PPP2R2B: variants seen among roughly 807,000 people sequenced by gnomAD.
The protein encoded by PPP2R2B is serine/threonine-protein phosphatase 2A 55 kDa regulatory subunit B beta isoform.
PPP2R2B carries 5 observed loss-of-function variants against 46.0 expected under a neutral mutation model. That is an observed-to-expected ratio of 0.11 (90% confidence interval 0.06 to 0.23). PPP2R2B has a LOEUF of 0.23. PPP2R2B is among the 10% of genes least tolerant of loss of function. The probability of loss-of-function intolerance (pLI) is 1.00; values close to 1 mark genes in which losing one functional copy is unlikely to be tolerated. For synonymous variants in PPP2R2B, 215 were observed against 206.7 expected (o/e 1.04, Z -0.34); for missense variants, 367 against 575.0 (o/e 0.64, Z 3.70).
chr5:146,935,045 C>A (rs1173312374), intron 1 of PPP2R2B, among the ~76,000 whole-genome samples: 1 of 152,268 alleles, frequency 6.6e-6, no homozygotes, highest in East Asian at 1.9e-4. Flanking sequence ...ATATTAGTTT[C>A]TAGGCATTGA....
intron 1 of PPP2R2B, chr5:147,040,850 A>G (rs1397038224): frequency 6.9e-6 from 3 of 432,400 alleles, no homozygotes; most frequent in Non-Finnish European, 1.4e-5. Context: ...GCCATTACAC[A>G]TACCTCCCTC....
chr5:146,649,457 T>A (rs996194896), intron 6 of PPP2R2B, among the ~76,000 whole-genome samples: 1 of 152,076 alleles, frequency 6.6e-6, no homozygotes, highest in Non-Finnish European at 1.5e-5. Context: ...TTTTTATTAT[T>A]TTTTTGAGAT....
intron 1 of PPP2R2B, among the ~76,000 whole-genome samples, chr5:146,902,018 T>G (rs185001159): frequency 1.3e-5 from 2 of 152,126 alleles, no homozygotes; most frequent in African/African-American, 4.8e-5. Flanking sequence ...CAAAGTGTGA[T>G]GAAAAAATCT....
chr5:146,873,908 T>G (rs932259368), intron 2 of PPP2R2B, among the ~76,000 whole-genome samples: 1 of 152,242 alleles, frequency 6.6e-6, no homozygotes, highest in Non-Finnish European at 1.5e-5. Context: ...TTTATCACTC[T>G]TCTCCCTGTT....
intron 1 of PPP2R2B, among the ~76,000 whole-genome samples, chr5:147,036,673 A>G (rs1336934058): frequency 6.6e-6 from 1 of 152,218 alleles, no homozygotes; most frequent in South Asian, 2.1e-4. Context: ...CCTCACCAGA[A>G]TCTCTTGTAT....
At chr5:146,615,835 T>G (rs1040621246) in intron 7 of PPP2R2B, among the ~76,000 whole-genome samples, 1 of 152,272 alleles carries the variant, frequency 6.6e-6, no homozygotes, top group African/African-American at 2.4e-5. Context: ...AGTCTACAGA[T>G]TTAATGGAAT....
chr5:147,040,991 C>T (rs1278032678), intron 1 of PPP2R2B, among the ~76,000 whole-genome samples: 1 of 152,120 alleles, frequency 6.6e-6, no homozygotes, highest in African/African-American at 2.4e-5. Context: ...AGAGTTACTA[C>T]TCAGGTCAGC....
chr5:146,829,011 T>C (rs1337428132), intron 2 of PPP2R2B, among the ~76,000 whole-genome samples: 2 of 152,166 alleles, frequency 1.3e-5, no homozygotes, highest in African/African-American at 4.8e-5. Context: ...GAAGAACGGG[T>C]AAGTGAGCTG....
chr5:146,954,034 G>A (rs968082873), intron 1 of PPP2R2B, among the ~76,000 whole-genome samples: 1 of 152,004 alleles, frequency 6.6e-6, no homozygotes, highest in East Asian at 1.9e-4. Context: ...TGGGGGGCAG[G>A]TGTGCATGCA....
At chr5:146,743,827 A>G (rs562832483) in intron 2 of PPP2R2B, among the ~76,000 whole-genome samples, 2 of 152,308 alleles carry the variant, frequency 1.3e-5, no homozygotes, top group South Asian at 4.1e-4. Flanking sequence ...AAAATTATTG[A>G]GCAAATATTG....
At chr5:146,706,812 C>T (rs1779890037) in intron 2 of PPP2R2B, 1 of 904,674 alleles carries the variant, frequency 1.1e-6, no homozygotes, top group Non-Finnish European at 1.9e-6. Flanking sequence ...TTGGCGATCT[C>T]CTCGTACTGT....
At chr5:146,819,391 C>CTGGGG (rs1279190518) in intron 2 of PPP2R2B, among the ~76,000 whole-genome samples, 1 of 152,084 alleles carries the variant, frequency 6.6e-6, no homozygotes. Context: ...AAATAGAACA[C>CTGGGG]TGGGGTGGGA....
Position 146,650,673 on chromosome 5 carries a change from C to G in PPP2R2B, c.499G>C (p.Val167Leu), listed in dbSNP as rs1264408354. 1 of 1,613,928 alleles carries G rather than the reference C, an allele frequency of 6.2e-7. No homozygotes were observed. The highest frequency in any genetic ancestry group is 1.7e-5 in the Admixed American group (1 of 59,996). The change falls in exon 6 of 10, where the codon GTA becomes CTA. Residue 167 changes from valine (V) to leucine (L), a missense_variant. Physicochemically the swap from Val to Leu is conservative, Grantham distance 32 (BLOSUM62 1). Transcript: ENST00000394411. Reference sequence around the variant, plus strand: ...TGATATGTGTGTGCGTTGGCAAATACTCTTCGTGGGGTGGCCTCCACCATC... The same window carrying G: ...TGATATGTGTGTGCGTTGGCAAATAGTCTTCGTGGGGTGGCCTCCACCATC... ...DLMVEATPRRVFANAHTYHIN... is the reference protein window; with the variant it reads ...DLMVEATPRRLFANAHTYHIN...
chr5:146,930,077 T>C (rs934636545), intron 1 of PPP2R2B, among the ~76,000 whole-genome samples: 8 of 152,162 alleles, frequency 5.3e-5, no homozygotes, highest in Admixed American at 1.3e-4. Flanking sequence ...AACCAATAGA[T>C]GAACATTTTC....
intron 5 of PPP2R2B, among the ~76,000 whole-genome samples, chr5:146,671,202 A>G (rs2151121407): frequency 6.6e-6 from 1 of 152,352 alleles, no homozygotes; most frequent in East Asian, 1.9e-4. Context: ...GGGAAACACA[A>G]TGATATACAC....
At chr5:146,695,731 T>C (rs1779139908) in intron 4 of PPP2R2B, among the ~76,000 whole-genome samples, 1 of 152,176 alleles carries the variant, frequency 6.6e-6, no homozygotes, top group Non-Finnish European at 1.5e-5. Context: ...GTTCTCTGAG[T>C]AGTTTATCAT....
intron 2 of PPP2R2B, among the ~76,000 whole-genome samples, chr5:146,796,882 C>T (rs1756572932): frequency 6.6e-6 from 1 of 152,148 alleles, no homozygotes; most frequent in Non-Finnish European, 1.5e-5. Flanking sequence ...CCACTCTGAA[C>T]TTTTATAGTA....
At chr5:146,623,659 A>G (rs1773853519) in intron 7 of PPP2R2B, among the ~76,000 whole-genome samples, 1 of 152,258 alleles carries the variant, frequency 6.6e-6, no homozygotes, top group Non-Finnish European at 1.5e-5. Context: ...AAGGATGCCC[A>G]TACATGAGAT....
At chr5:146,891,295 T>G (rs1762484403) in intron 1 of PPP2R2B, among the ~76,000 whole-genome samples, 1 of 152,252 alleles carries the variant, frequency 6.6e-6, no homozygotes. Context: ...AGGATCCACT[T>G]GTAGAGTAGT....
Sources: gnomAD v4.1 joint callset for allele counts (sites outside exome capture counted in the v4.1 genomes callset) on GRCh38, gnomAD v4.1.1 for gene constraint, MANE v1.5 for transcripts, NCBI Gene and HGNC (gene_info 2026-07-23, HGNC 2026-07-21) for gene names.